The following GC variants were observed in gnomAD, a reference collection of about 807,000 sequenced individuals.
The protein encoded by GC is GC vitamin D binding protein.
GC carries 43 observed loss-of-function variants against 56.7 expected under a neutral mutation model. The ratio of observed to expected loss-of-function variants is 0.76; its 90% CI spans 0.59 to 0.98. GC has a LOEUF of 0.98. GC is among the 50% of genes least tolerant of loss of function. The pLI is 0.00. For synonymous variants in GC, 216 were observed against 202.7 expected (o/e 1.07, Z -0.56); for missense variants, 529 against 545.9 (o/e 0.97, Z 0.31).
intron 1 of GC, among the ~76,000 whole-genome samples, chr4:71,777,751 C>T (rs1742552302): frequency 6.6e-6 from 1 of 150,792 alleles, no homozygotes; most frequent in Non-Finnish European, 1.5e-5. Flanking sequence ...AGACTGTGCT[C>T]TTGCTATTGT....
At chr4:71,759,016 A>G (rs1054527031) in intron 6 of GC, among the ~76,000 whole-genome samples, 4 of 152,172 alleles carry the variant, frequency 2.6e-5, no homozygotes, top group African/African-American at 4.8e-5. Context: ...AATACTTCGT[A>G]TGAGTTGGAA....
chr4:71,774,097 A>T (rs987040572), intron 1 of GC, among the ~76,000 whole-genome samples: 4 of 152,000 alleles, frequency 2.6e-5, no homozygotes, highest in Non-Finnish European at 5.9e-5. Flanking sequence ...AAAAAGTTTG[A>T]GCTTGAGTCA....
chr4:71,803,757 T>C (rs1009736098), intron 1 of GC, among the ~76,000 whole-genome samples: 1 of 152,222 alleles, frequency 6.6e-6, no homozygotes, highest in Non-Finnish European at 1.5e-5. Context: ...TACACATCAA[T>C]ATTCCTTGAC....
At chr4:71,754,367 A>G (rs1216891349) in intron 10 of GC, 44 bp downstream of exon 10, 2 of 886,052 alleles carry the variant, frequency 2.3e-6, no homozygotes, top group Non-Finnish European at 3.7e-6. Context: ...CTATGAAAAT[A>G]TTATTGATAA....
At chr4:71,801,741 G>A (rs899539992) in intron 1 of GC, among the ~76,000 whole-genome samples, 1 of 148,294 alleles carries the variant, frequency 6.7e-6, no homozygotes, top group Non-Finnish European at 1.5e-5. Flanking sequence ...TAATAATGAA[G>A]CAATTATCTA....
intron 6 of GC, among the ~76,000 whole-genome samples, chr4:71,760,363 T>A (rs1429005333): frequency 6.6e-6 from 1 of 152,082 alleles, no homozygotes; most frequent in Admixed American, 6.6e-5. Flanking sequence ...AGAAAGTAGT[T>A]TCTATTCCCA....
intron 1 of GC, among the ~76,000 whole-genome samples, chr4:71,772,540 C>A (rs1006938874): frequency 6.6e-6 from 1 of 152,128 alleles, no homozygotes; most frequent in African/African-American, 2.4e-5. Flanking sequence ...TGCATGTTAT[C>A]CCATTAAATA....
At chr4:71,803,039 A>G (rs76902164) in intron 1 of GC, among the ~76,000 whole-genome samples, 1 of 152,206 alleles carries the variant, frequency 6.6e-6, no homozygotes, top group South Asian at 2.1e-4. Flanking sequence ...TGAGATAGAA[A>G]GAAAGGGATC....
At chr4:71,755,428 G>T (rs568783825) in intron 8 of GC, among the ~76,000 whole-genome samples, 2 of 152,204 alleles carry the variant, frequency 1.3e-5, no homozygotes, top group South Asian at 4.1e-4. Context: ...CTGCCAAAGT[G>T]CTGGGATTAG....
chr4:71,752,392 TACAATA>T, intron 11 of GC, 120 bp downstream of exon 11: 1 of 720,210 alleles, frequency 1.4e-6, no homozygotes, highest in Non-Finnish European at 2.2e-6. Context: ...ACAGCCAAGT[TACAATA>T]ACACCAGGAA....
chr4:71,796,018 A>G (rs1224166680), intron 1 of GC, among the ~76,000 whole-genome samples: 1 of 152,210 alleles, frequency 6.6e-6, no homozygotes, highest in Non-Finnish European at 1.5e-5. Context: ...GTTTCTGCTG[A>G]GAGATCCGCT....
chr4:71,786,052 T>A (rs891921460), upstream of GC: 9 of 151,978 alleles, frequency 5.9e-5, no homozygotes, highest in Admixed American at 5.9e-4. Flanking sequence ...TTTTAAAAAA[T>A]TAAACTTTAT....
intron 2 of GC, among the ~76,000 whole-genome samples, 180 bp downstream of exon 2, chr4:71,769,151 C>T (rs1407726177): frequency 6.6e-6 from 1 of 152,198 alleles, no homozygotes; most frequent in Non-Finnish European, 1.5e-5. Flanking sequence ...CAGAGGTCAT[C>T]TGGAATCTCT....
intron 12 of GC, 82 bp downstream of exon 12, chr4:71,746,069 A>C: frequency 1.4e-6 from 1 of 697,522 alleles, no homozygotes; most frequent in South Asian, 1.6e-5. Flanking sequence ...AATTTATTAA[A>C]GTCTCCTTCC....
At chr4:71,762,333 C>T (rs760413677) in intron 6 of GC, among the ~76,000 whole-genome samples, 5 of 152,150 alleles carry the variant, frequency 3.3e-5, no homozygotes, top group Non-Finnish European at 7.4e-5. Context: ...TTAATGGCTG[C>T]ATTTACCCAA....
At chr4:71,762,052 T>G (rs565140623) in intron 6 of GC, among the ~76,000 whole-genome samples, 2 of 152,122 alleles carry the variant, frequency 1.3e-5, no homozygotes, top group Non-Finnish European at 2.9e-5. Flanking sequence ...GAATGGTAGA[T>G]CTACTGACAG....
In GC at chr4:71,758,167, G is replaced by A; in HGVS notation, c.706C>T (p.Leu236Phe). ...GGCACTTTTTGGGCTAACTTTATGA[G>A]ATTGCTAAACAGTTAAAAATAAATA... ...YGEKKSRLSN[L>F]IKLAQKVPTA... Residue 236 changes from leucine (L) to phenylalanine (F), a missense_variant, in exon 7 of 13, where the codon CTC (leucine) becomes TTC (phenylalanine). Leu to Phe is a conservative substitution (Grantham distance 22). Transcript: ENST00000273951. 10 of 1,612,490 alleles carry A rather than the reference G, an allele frequency of 6.2e-6. No individual in the cohort carries two copies. The highest frequency in any genetic ancestry group is 8.5e-6 in the Non-Finnish European group (10 of 1,178,838).
At chr4:71,756,267 T>C (rs1465137908) in intron 8 of GC, among the ~76,000 whole-genome samples, 1 of 152,202 alleles carries the variant, frequency 6.6e-6, no homozygotes, top group Non-Finnish European at 1.5e-5. Flanking sequence ...GCATGATATA[T>C]TTTACATGTG....
chr4:71,784,145 C>G (rs1184667917), upstream of GC: 3 of 1,382,976 alleles, frequency 2.2e-6, no homozygotes, highest in East Asian at 8.2e-5. Flanking sequence ...TTATTAATCT[C>G]AGAAGCAACA....
Sources: allele counts gnomAD v4.1 joint callset (sites outside exome capture counted in the v4.1 genomes callset), GRCh38; gene constraint gnomAD v4.1.1; transcripts MANE v1.5; gene names NCBI Gene and HGNC (gene_info 2026-07-23, HGNC 2026-07-21).